Variants in PRKG1 observed in about 807,000 individuals in gnomAD.
PRKG1 encodes the protein protein kinase cGMP-dependent 1, also known as cGMP-dependent protein kinase 1.
Under a neutral mutation model 88.1 loss-of-function variants are expected in PRKG1, and 35 were observed. The ratio of observed to expected loss-of-function variants is 0.40; its 90% CI spans 0.30 to 0.53. PRKG1 has a LOEUF of 0.53. Among genes scored for constraint, PRKG1 ranks in the 20% least tolerant of loss-of-function variants. The pLI, the probability that PRKG1 is intolerant of heterozygous loss-of-function variation, is 0.59. For missense variants in PRKG1, 540 were observed against 839.8 expected, an observed-to-expected ratio of 0.64 and a Z score of 4.41; for synonymous variants, 303 against 292.5, an observed-to-expected ratio of 1.04 and a Z score of -0.37.
chr10:51,579,269 A>T (rs769026932), intron 3 of PRKG1, among the ~76,000 whole-genome samples: 1 of 152,044 alleles, frequency 6.6e-6, no homozygotes, highest in Admixed American at 6.6e-5. Context: ...GGTGTGAGCC[A>T]CCACACCTGG....
intron 3 of PRKG1, among the ~76,000 whole-genome samples, chr10:51,691,308 C>CTT (rs750337206): frequency 0.02 from 2,746 of 134,898 alleles, 112 homozygotes; most frequent in African/African-American, 0.07. Flanking sequence ...TTCTTTTTAT[C>CTT]TTTTTTTTTT....
intron 9 of PRKG1, among the ~76,000 whole-genome samples, chr10:52,211,271 T>C (rs1044604698): frequency 6.6e-6 from 1 of 152,186 alleles, no homozygotes; most frequent in East Asian, 1.9e-4. Context: ...GCAAGGTCTT[T>C]GATACAAGGG....
chr10:51,719,350 T>C (rs1478552094), intron 3 of PRKG1, among the ~76,000 whole-genome samples: 2 of 152,204 alleles, frequency 1.3e-5, no homozygotes, highest in African/African-American at 2.4e-5. Context: ...TACCAAGTAA[T>C]GAAGGTTAAT....
chr10:51,970,434 C>G (rs1351069483), intron 5 of PRKG1, among the ~76,000 whole-genome samples: 1 of 151,074 alleles, frequency 6.6e-6, no homozygotes, highest in South Asian at 2.1e-4. Context: ...AATAGAGCCC[C>G]TATTTTTATA....
intron 4 of PRKG1, among the ~76,000 whole-genome samples, chr10:51,906,381 T>C (rs1238181143): frequency 6.6e-6 from 1 of 152,116 alleles, no homozygotes; most frequent in Non-Finnish European, 1.5e-5. Flanking sequence ...TGAGAACATA[T>C]GCCCAGGGTG....
intron 3 of PRKG1, among the ~76,000 whole-genome samples, chr10:51,586,143 TA>T (rs1838166966): frequency 6.6e-6 from 1 of 152,094 alleles, no homozygotes; most frequent in Admixed American, 6.6e-5. Flanking sequence ...GTTGAATTTA[TA>T]ATAAGGAAAA....
At chr10:51,307,147 T>A (rs1435793967) in intron 2 of PRKG1, among the ~76,000 whole-genome samples, 2 of 152,070 alleles carry the variant, frequency 1.3e-5, no homozygotes, top group Non-Finnish European at 2.9e-5. Flanking sequence ...ATATATTATA[T>A]ATTATTAATA....
At chr10:52,164,518 A>G (rs917649303) in intron 9 of PRKG1, among the ~76,000 whole-genome samples, 1 of 152,144 alleles carries the variant, frequency 6.6e-6, no homozygotes, top group African/African-American at 2.4e-5. Flanking sequence ...TTATGTAAGC[A>G]ACATACTTTT....
intron 3 of PRKG1, among the ~76,000 whole-genome samples, chr10:51,609,530 C>T (rs574093089): frequency 1.3e-5 from 2 of 152,258 alleles, no homozygotes; most frequent in South Asian, 2.1e-4. Flanking sequence ...TACAAAGATA[C>T]ATGCACACAT....
intron 3 of PRKG1, among the ~76,000 whole-genome samples, chr10:51,493,870 C>A (rs1441878722): frequency 6.6e-6 from 1 of 152,072 alleles, no homozygotes; most frequent in East Asian, 1.9e-4. Flanking sequence ...CTGAGGATTC[C>A]TTCCAAGAGT....
At chr10:51,109,688 G>T (rs1024975499) in intron 1 of PRKG1, among the ~76,000 whole-genome samples, 1 of 151,984 alleles carries the variant, frequency 6.6e-6, no homozygotes, top group African/African-American at 2.4e-5. Context: ...AGCGCACTTG[G>T]GTTTGAGCAG....
At chr10:51,075,050 G>C (rs1277714249) in intron 1 of PRKG1, 149 bp downstream of exon 1, 5 of 1,206,642 alleles carry the variant, frequency 4.1e-6, no homozygotes, top group Non-Finnish European at 5.7e-6. Flanking sequence ...ACTTCTTGCG[G>C]GGCTGTGCAC....
At chr10:51,035,048 A>G (rs1843336240) in intron 1 of PRKG1, among the ~76,000 whole-genome samples, 1 of 152,014 alleles carries the variant, frequency 6.6e-6, no homozygotes, top group African/African-American at 2.4e-5. Context: ...ATATTCTGGG[A>G]AAAGATCAGA....
At chr10:51,063,301 T>C (rs951769298) in intron 1 of PRKG1, among the ~76,000 whole-genome samples, 23 of 152,306 alleles carry the variant, frequency 1.5e-4, no homozygotes, top group African/African-American at 5.5e-4. Context: ...GGTAATTTTA[T>C]CATTGTGCAA....
chr10:51,479,262 G>A (rs1840288694), intron 3 of PRKG1, among the ~76,000 whole-genome samples: 1 of 151,874 alleles, frequency 6.6e-6, no homozygotes, highest in African/African-American at 2.4e-5. Flanking sequence ...TAAAAGTAAT[G>A]TGTTTATAAA....
At chr10:51,859,449 C>T (rs1185455263) in intron 4 of PRKG1, among the ~76,000 whole-genome samples, 1 of 147,740 alleles carries the variant, frequency 6.8e-6, no homozygotes, top group African/African-American at 2.5e-5. Flanking sequence ...TGTTTCACTA[C>T]ATTAGGGGAA....
chr10:52,289,110 G>A (rs943484982), intron 16 of PRKG1, 117 bp downstream of exon 16: 70 of 933,694 alleles, frequency 7.5e-5, no homozygotes, highest in Non-Finnish European at 9.4e-5. Context: ...CAAAGACAGC[G>A]TATAAACTAG....
chr10:50,991,720 C>G lies in PRKG1; in HGVS notation c.266+76C>G. On this transcript the variant is annotated intron_variant, in intron 1 of 17. Transcript: ENST00000401604. This position sits in a 1 kb window ranked among gnomAD's most constrained non-coding sequence, Gnocchi z 4.5. ...AGGCTGGGGGCTCTGGCCGCGGCGGCGGGGGCGGGTCGGCCCAGGGCGCCC... is the reference window on the plus strand; with the variant it reads ...AGGCTGGGGGCTCTGGCCGCGGCGGGGGGGGCGGGTCGGCCCAGGGCGCCC... The G allele has an allele frequency of 3.6e-6, 4 of 1,102,542 alleles. No homozygotes were observed. Among genetic ancestry groups the G allele is most frequent in the Non-Finnish European group, 4.5e-6 (4 of 898,658 alleles). The allele number at this position is 1,102,542 out of a possible 1,614,324, so 68.3% of individuals were successfully genotyped here.
chr10:51,820,627 T>G (rs1320333765), intron 4 of PRKG1, among the ~76,000 whole-genome samples: 2 of 152,248 alleles, frequency 1.3e-5, no homozygotes, highest in East Asian at 3.9e-4. Context: ...CAGGAGCTAA[T>G]CTGGTTATTC....
Sources: allele counts gnomAD v4.1 joint callset (sites outside exome capture counted in the v4.1 genomes callset), GRCh38; gene constraint gnomAD v4.1.1; non-coding constraint Gnocchi (gnomAD v3.1); transcripts MANE v1.5; gene names NCBI Gene and HGNC (gene_info 2026-07-23, HGNC 2026-07-21).